Variants in BICD1 observed in about 807,000 individuals in gnomAD.
BICD1 encodes the protein protein bicaudal D homolog 1.
A neutral mutation model predicts 92.5 loss-of-function variants in BICD1; 35 were observed. The observed-to-expected ratio is 0.38, with a 90% CI of 0.29 to 0.50. The LOEUF is 0.50. BICD1 is among the 20% of genes least tolerant of loss of function. The pLI is 0.93. For synonymous variants in BICD1, 429 were observed against 465.1 expected (o/e 0.92, Z 1.00); for missense variants, 950 against 1,189.8 (o/e 0.80, Z 2.97).
intron 1 of BICD1, among the ~76,000 whole-genome samples, chr12:32,110,906 G>A (rs1213248447): frequency 1.3e-5 from 2 of 151,420 alleles, no homozygotes; most frequent in Non-Finnish European, 2.9e-5. Context: ...GTTAATGGGT[G>A]CAGCACACCA....
chr12:32,228,926 T>C (rs1945787403), intron 2 of BICD1, among the ~76,000 whole-genome samples: 1 of 152,006 alleles, frequency 6.6e-6, no homozygotes, highest in Non-Finnish European at 1.5e-5. Context: ...GCTAAGAGCT[T>C]GGGAGAGAGG....
chr12:32,130,091 A>G (rs1185045233), intron 1 of BICD1, among the ~76,000 whole-genome samples: 2 of 152,246 alleles, frequency 1.3e-5, no homozygotes, highest in African/African-American at 4.8e-5. Flanking sequence ...TTGCAAGTAA[A>G]TCAGTAAATG....
At chr12:32,157,594 C>T (rs1011174623) in intron 1 of BICD1, among the ~76,000 whole-genome samples, 3 of 152,138 alleles carry the variant, frequency 2.0e-5, no homozygotes, top group Non-Finnish European at 4.4e-5. Flanking sequence ...TACCAAGATT[C>T]CTGGGTGCCC....
intron 1 of BICD1, among the ~76,000 whole-genome samples, chr12:32,117,590 A>G (rs979878758): frequency 6.6e-6 from 1 of 151,692 alleles, no homozygotes; most frequent in Non-Finnish European, 1.5e-5. Context: ...GGTTGCATTG[A>G]GGGAGGTCTA....
At chr12:32,121,815 T>TAA (rs1565529780) in intron 1 of BICD1, among the ~76,000 whole-genome samples, 1 of 138,326 alleles carries the variant, frequency 7.2e-6, no homozygotes, top group African/African-American at 3.1e-5. Context: ...TTGTCAAATT[T>TAA]TTTTTTTTTT....
chr12:32,120,886 AGAGAGAGAG>A (rs760779126), intron 1 of BICD1, among the ~76,000 whole-genome samples: 2,460 of 117,302 alleles, frequency 0.021, 73 homozygotes, highest in African/African-American at 0.076. Flanking sequence ...AGAGAGAGAG[AGAGAGAGAG>A]AAAAAAAAAA....
At chr12:32,205,066 A>G (rs1475661805) in intron 1 of BICD1, among the ~76,000 whole-genome samples, 1 of 152,226 alleles carries the variant, frequency 6.6e-6, no homozygotes, top group Non-Finnish European at 1.5e-5. Flanking sequence ...TCCATTAATA[A>G]GTAATTGAGG....
intron 2 of BICD1, among the ~76,000 whole-genome samples, chr12:32,287,713 T>G (rs2136182617): frequency 6.6e-6 from 1 of 152,264 alleles, no homozygotes; most frequent in African/African-American, 2.4e-5. Context: ...CTTTTTTATA[T>G]TTTTTAGTAG....
At chr12:32,120,919 T>C (rs541719880) in intron 1 of BICD1, among the ~76,000 whole-genome samples, 2 of 150,792 alleles carry the variant, frequency 1.3e-5, no homozygotes, top group East Asian at 3.9e-4. Context: ...AAAAATATAA[T>C]GTGCTCCAAA....
intron 6 of BICD1, 93 bp downstream of exon 6, chr12:32,334,760 G>A (rs1335551012): frequency 4.3e-6 from 6 of 1,405,792 alleles, no homozygotes; most frequent in Non-Finnish European, 4.8e-6. Flanking sequence ...GAGTGTATTC[G>A]GTGAGTAGTC....
At chr12:32,335,220 A>G (rs995489024) in intron 6 of BICD1, among the ~76,000 whole-genome samples, 1 of 151,296 alleles carries the variant, frequency 6.6e-6, no homozygotes, top group Non-Finnish European at 1.5e-5. Flanking sequence ...GTGCGATCTC[A>G]GCTCACTGCA....
At chr12:32,161,092 A>G (rs1206669605) in intron 1 of BICD1, among the ~76,000 whole-genome samples, 1 of 152,218 alleles carries the variant, frequency 6.6e-6, no homozygotes, top group Non-Finnish European at 1.5e-5. Context: ...GAAAAGTGAT[A>G]TAAATGTCAT....
chr12:32,158,890 G>A (rs1335266554), intron 1 of BICD1, among the ~76,000 whole-genome samples: 1 of 152,174 alleles, frequency 6.6e-6, no homozygotes, highest in Non-Finnish European at 1.5e-5. Flanking sequence ...TGTTGAGTGA[G>A]TGCGTGAAAG....
chr12:32,283,881 C>T lies in BICD1; in HGVS notation c.427-10113C>T, dbSNP rs76726655. On this transcript the variant is annotated intron_variant, in intron 2 of 9. Transcript: ENST00000652176. Reference sequence around the variant, plus strand: ...TTTTCTACAAAAGAGAAACTCAGAGCCTGTGCCCCTGGAATTTTCAAATAA... The same window carrying T: ...TTTTCTACAAAAGAGAAACTCAGAGTCTGTGCCCCTGGAATTTTCAAATAA... Among the ~76,000 whole-genome samples the T allele has an allele frequency of 7.0e-3, 1,059 of 152,334 alleles. 13 individuals are homozygous for T. Among genetic ancestry groups the T allele is most frequent in the African/African-American group, 0.024 (997 of 41,574 alleles).
chr12:32,134,790 G>A (rs566801583), intron 1 of BICD1, among the ~76,000 whole-genome samples: 1 of 152,338 alleles, frequency 6.6e-6, no homozygotes, highest in South Asian at 2.1e-4. Flanking sequence ...AGTGTCGGGA[G>A]CAATGCCGAC....
chr12:32,209,633 A>G (rs1031558153), intron 1 of BICD1, among the ~76,000 whole-genome samples: 10 of 152,356 alleles, frequency 6.6e-5, no homozygotes, highest in Non-Finnish European at 1.0e-4. Flanking sequence ...GAGACTGTAA[A>G]GAACTGCCAG....
At chr12:32,231,604 T>C (rs990527310) in intron 2 of BICD1, among the ~76,000 whole-genome samples, 1 of 151,616 alleles carries the variant, frequency 6.6e-6, no homozygotes, top group African/African-American at 2.4e-5. Flanking sequence ...TATTTATTAT[T>C]ATACTTTAAG....
rs79297281 is a variant in BICD1, at chr12:32,203,553, C to T, written c.214-12694C>T. 6.9e-3 allele frequency among the ~76,000 whole-genome samples: 1,057 copies of T among 152,290 alleles called. 15 individuals carry two copies. Among genetic ancestry groups the T allele is most frequent in the African/African-American group, 0.024 (1,006 of 41,570 alleles). Reference sequence around the variant, plus strand: ...AACCTGGTAGTGGCCAACCCGGAGACTGATTCCTTGTCTATGAGGAACATC... The same window carrying T: ...AACCTGGTAGTGGCCAACCCGGAGATTGATTCCTTGTCTATGAGGAACATC... On this transcript the variant is annotated intron_variant, in intron 1 of 9. Coordinates refer to ENST00000652176, the MANE Select transcript of BICD1 (RefSeq NM_001714.4).
intron 8 of BICD1, chr12:32,339,879 T>C (rs1938293727): frequency 1.1e-6 from 1 of 948,468 alleles, no homozygotes; most frequent in East Asian, 1.2e-4. Context: ...CTGGCCTCTT[T>C]TGGAAGATTC....
Sources: gnomAD v4.1 joint callset for allele counts (sites outside exome capture counted in the v4.1 genomes callset) on GRCh38, gnomAD v4.1.1 for gene constraint, MANE v1.5 for transcripts, NCBI Gene and HGNC (gene_info 2026-07-23, HGNC 2026-07-21) for gene names.